The following CACNG2 variants were observed in gnomAD, a reference collection of about 807,000 sequenced individuals.
CACNG2 encodes calcium voltage-gated channel auxiliary subunit gamma 2.
CACNG2 carries 3 observed loss-of-function variants against 25.9 expected under a neutral mutation model. That is an observed-to-expected ratio of 0.12 (90% confidence interval 0.05 to 0.30). CACNG2 has a LOEUF of 0.30. Among genes scored for constraint, CACNG2 ranks in the 10% least tolerant of loss-of-function variants. The pLI is 1.00. For missense variants in CACNG2, 341 were observed against 432.5 expected (o/e 0.79, Z 1.88); for synonymous variants, 167 against 173.3 (o/e 0.96, Z 0.29).
At chr22:36,623,958 G>A (rs1435046750) in intron 1 of CACNG2, among the ~76,000 whole-genome samples, 2 of 152,170 alleles carry the variant, frequency 1.3e-5, no homozygotes, top group South Asian at 4.2e-4. Flanking sequence ...CTCCAAGACG[G>A]GGTTGGTCTC....
chr22:36,677,886 T>A (rs1449133890), intron 1 of CACNG2, among the ~76,000 whole-genome samples: 2 of 152,270 alleles, frequency 1.3e-5, no homozygotes, highest in Non-Finnish European at 2.9e-5. Flanking sequence ...GTTCAGCTGA[T>A]TAATAAAAGT....
intron 1 of CACNG2, among the ~76,000 whole-genome samples, chr22:36,693,171 T>A (rs1937288623): frequency 6.6e-6 from 1 of 152,050 alleles, no homozygotes; most frequent in Non-Finnish European, 1.5e-5. Context: ...GGGACAGGAC[T>A]TGGGGGGCTA....
At position 36,564,267 on chromosome 22, in the gene CACNG2, GC is replaced by G; in HGVS notation, c.*83del. On this transcript the variant is annotated 3_prime_UTR_variant, in exon 4 of 4. Transcript: ENST00000300105. This position sits in a 1 kb window ranked among gnomAD's most constrained non-coding sequence, Gnocchi z 6.7. ...GTTTTTGCTTTTGGAAGGTCTCCCA[GC>G]GGAGGGTCTGGGTCTCCCCGCCCCG... 2 of 1,266,492 alleles carry G rather than the reference GC, an allele frequency of 1.6e-6. No homozygotes were observed. The highest frequency in any genetic ancestry group is 5.1e-5 in the East Asian group (2 of 38,980). The allele number at this position is 1,266,492 out of a possible 1,614,324, so 78.5% of individuals were successfully genotyped here. A position where few individuals can be genotyped will look rare whatever the true frequency, so the allele number is the denominator to read the frequency against.
At chr22:36,686,778 C>A (rs934908334) in intron 1 of CACNG2, among the ~76,000 whole-genome samples, 1 of 152,168 alleles carries the variant, frequency 6.6e-6, no homozygotes. Flanking sequence ...AAGTCCCTTC[C>A]TTTTTGGGCC....
At chr22:36,616,846 G>C (rs1303706478) in intron 1 of CACNG2, among the ~76,000 whole-genome samples, 1 of 152,138 alleles carries the variant, frequency 6.6e-6, no homozygotes, top group African/African-American at 2.4e-5. Flanking sequence ...TTTATACCAT[G>C]ATGATCTATT....
At chr22:36,618,179 G>T (rs1262076694) in intron 1 of CACNG2, among the ~76,000 whole-genome samples, 1 of 152,184 alleles carries the variant, frequency 6.6e-6, no homozygotes, top group Middle Eastern at 3.2e-3. Context: ...TTGGGTTTTG[G>T]TGGGACCAAC....
At chr22:36,643,807 A>G (rs140213171) in intron 1 of CACNG2, among the ~76,000 whole-genome samples, 19 of 152,278 alleles carry the variant, frequency 1.2e-4, no homozygotes, top group Admixed American at 3.9e-4. Flanking sequence ...GTGTTTTCTA[A>G]CCATATTACC....
chr22:36,637,563 G>A (rs1246744797), intron 1 of CACNG2, among the ~76,000 whole-genome samples: 1 of 152,066 alleles, frequency 6.6e-6, no homozygotes, highest in Non-Finnish European at 1.5e-5. Context: ...GTTTGGAGAG[G>A]CTCACCGCAC....
intron 1 of CACNG2, among the ~76,000 whole-genome samples, chr22:36,698,514 A>G (rs1937370064): frequency 6.6e-6 from 1 of 152,150 alleles, no homozygotes; most frequent in Admixed American, 6.5e-5. Flanking sequence ...GGCTGAGCCG[A>G]GCGTGGAGCA....
intron 1 of CACNG2, among the ~76,000 whole-genome samples, chr22:36,692,124 T>C (rs534687863): frequency 6.6e-6 from 1 of 152,328 alleles, no homozygotes; most frequent in South Asian, 2.1e-4. Flanking sequence ...CAGTGAGTTT[T>C]GCCTGGTGCA....
chr22:36,666,186 C>T (rs1936872420), intron 1 of CACNG2, among the ~76,000 whole-genome samples: 1 of 152,142 alleles, frequency 6.6e-6, no homozygotes, highest in South Asian at 2.1e-4. Flanking sequence ...GGGAGGCTCG[C>T]TTTAGCCTAG....
At chr22:36,671,878 GA>G (rs1193581395) in intron 1 of CACNG2, among the ~76,000 whole-genome samples, 3 of 152,160 alleles carry the variant, frequency 2.0e-5, no homozygotes, top group African/African-American at 7.2e-5. Context: ...TTGCTAGGAA[GA>G]AAAATGGCCA....
chr22:36,654,883 G>GT (rs929329898), intron 1 of CACNG2, among the ~76,000 whole-genome samples: 1 of 152,002 alleles, frequency 6.6e-6, no homozygotes, highest in Non-Finnish European at 1.5e-5. Flanking sequence ...TCCTAATTTA[G>GT]TTTTTTGCCA....
intron 1 of CACNG2, among the ~76,000 whole-genome samples, chr22:36,591,223 T>G (rs1328470332): frequency 6.6e-6 from 1 of 151,964 alleles, no homozygotes; most frequent in East Asian, 1.9e-4. Flanking sequence ...TTGTATTATT[T>G]GTAGAGACGG....
chr22:36,700,915 C>G (rs1160064693), intron 1 of CACNG2, among the ~76,000 whole-genome samples: 2 of 152,190 alleles, frequency 1.3e-5, no homozygotes, highest in Non-Finnish European at 2.9e-5. Flanking sequence ...CATCACTCAA[C>G]CGTTTGCACC....
chr22:36,660,551 C>T (rs1471163713), intron 1 of CACNG2, among the ~76,000 whole-genome samples: 1 of 152,258 alleles, frequency 6.6e-6, no homozygotes, highest in African/African-American at 2.4e-5. Context: ...ATTGAGCACA[C>T]TGCGCTGAGC....
chr22:36,590,776 C>T (rs1935579465), intron 1 of CACNG2, among the ~76,000 whole-genome samples: 1 of 152,146 alleles, frequency 6.6e-6, no homozygotes, highest in South Asian at 2.1e-4. Context: ...AGCTCAACAT[C>T]TCTAACAAAG....
intron 1 of CACNG2, among the ~76,000 whole-genome samples, chr22:36,651,189 G>C (rs1187851109): frequency 1.4e-5 from 2 of 142,120 alleles, no homozygotes; most frequent in African/African-American, 5.2e-5. Flanking sequence ...GCTTTGTGTT[G>C]CTATCTTGAA....
intron 1 of CACNG2, among the ~76,000 whole-genome samples, chr22:36,671,685 C>T (rs1936952605): frequency 6.6e-6 from 1 of 152,172 alleles, no homozygotes; most frequent in South Asian, 2.1e-4. Context: ...AGAGGGTTGA[C>T]CATGTTTCCC....
Sources: allele counts gnomAD v4.1 joint callset (sites outside exome capture counted in the v4.1 genomes callset), GRCh38; gene constraint gnomAD v4.1.1; non-coding constraint Gnocchi (gnomAD v3.1); transcripts MANE v1.5; gene names NCBI Gene and HGNC (gene_info 2026-07-23, HGNC 2026-07-21).